TBC1D32: variants seen among roughly 807,000 people sequenced by gnomAD.
TBC1D32 encodes the protein TBC1 domain family member 32.
A neutral mutation model predicts 170.3 loss-of-function variants in TBC1D32; 151 were observed. The observed-to-expected ratio is 0.89, with a 90% CI of 0.78 to 1.01. The LOEUF is 1.01. Ranked by LOEUF, TBC1D32 falls within the 50% of genes least tolerant of loss-of-function variation. The pLI, the probability that TBC1D32 is intolerant of heterozygous loss-of-function variation, is 0.00. For synonymous variants in TBC1D32, 498 were observed against 488.0 expected, an observed-to-expected ratio of 1.02 and a Z score of -0.27; for missense variants, 1,464 against 1,457.1, an observed-to-expected ratio of 1.00 and a Z score of -0.08.
chr6:121,268,835 GA>G (rs1048943379), intron 15 of TBC1D32, among the ~76,000 whole-genome samples: 16 of 152,016 alleles, frequency 1.1e-4, no homozygotes, highest in Non-Finnish European at 2.4e-4. Flanking sequence ...TCAAATGAAG[GA>G]AAAAAATGTT....
At chr6:121,247,143 G>T (rs1369577243) in intron 17 of TBC1D32, among the ~76,000 whole-genome samples, 1 of 152,082 alleles carries the variant, frequency 6.6e-6, no homozygotes, top group African/African-American at 2.4e-5. Flanking sequence ...AACCTTACAA[G>T]CCAGAAGGAA....
chr6:121,241,350 A>G, intron 19 of TBC1D32, 115 bp downstream of exon 19: 1 of 884,120 alleles, frequency 1.1e-6, no homozygotes. Context: ...CTAACTTAGT[A>G]AAAAGAATTT....
rs543521877 is a variant in TBC1D32 at position 121,234,304 on chromosome 6, T to C, written c.2364+4766A>G. 9.3e-4 allele frequency among the ~76,000 whole-genome samples: 142 copies of C among 152,294 alleles called. 2 individuals are homozygous for C. Among genetic ancestry groups the C allele is most frequent in the Non-Finnish European group, 1.2e-3 (82 of 68,006 alleles). ...TTTTCCTTTATTATTACCTCAAATA[T>C]GTTTTCCAAACTTTCAAATTTCTCT... On this transcript the variant is annotated intron_variant, in intron 20 of 31. Transcript: ENST00000398212.
At chr6:121,207,820 T>C (rs1473697514) in intron 21 of TBC1D32, among the ~76,000 whole-genome samples, 1 of 152,180 alleles carries the variant, frequency 6.6e-6, no homozygotes, top group Non-Finnish European at 1.5e-5. Context: ...TAAAGATATG[T>C]TTGAGTGCCT....
chr6:121,175,023 C>CAA (rs34244749), intron 22 of TBC1D32, among the ~76,000 whole-genome samples: 4,597 of 130,422 alleles, frequency 0.035, 185 homozygotes, highest in East Asian at 0.12. Flanking sequence ...CAGACCTTGT[C>CAA]AAAAAAAAAA....
chr6:121,140,603 T>C (rs183126949), intron 24 of TBC1D32, among the ~76,000 whole-genome samples: 11 of 152,148 alleles, frequency 7.2e-5, no homozygotes, highest in Admixed American at 7.2e-4. Context: ...AGAAATGTGA[T>C]GGAGAAGGTA....
intron 17 of TBC1D32, among the ~76,000 whole-genome samples, chr6:121,249,855 C>T (rs1248064917): frequency 2.6e-5 from 4 of 151,886 alleles, no homozygotes; most frequent in African/African-American, 9.7e-5. Context: ...AATGAAAACA[C>T]ATCCCATGCT....
Position 121,303,640 on chromosome 6 carries a change from C to T in TBC1D32, c.1057G>A (p.Ala353Thr). The T allele has an allele frequency of 6.3e-7, 1 of 1,583,518 alleles. No homozygotes were observed. The change falls in exon 9 of 32, where the codon GCT becomes ACT. Residue 353 changes from alanine (A) to threonine (T), a missense_variant. Around this residue, in one of 3 missense-constraint regions of TBC1D32, gnomAD observed 1,363 missense variants for 1,338.1 expected, o/e 1.02. Transcript: ENST00000398212. ...ACCATCCACTTTTTGAACCACACAG[C>T]CTTGGTATCAACTAATGCAAAAAAG... The part of the protein sequence containing the change: ...IYFFALVDTK[A>T]VWFKKWMHAH...
chr6:121,267,504 G>A (rs12530424), intron 15 of TBC1D32, among the ~76,000 whole-genome samples: 17,669 of 152,190 alleles, frequency 0.12, 1,490 homozygotes, highest in Admixed American at 0.23. Flanking sequence ...CAAGCCCACA[G>A]AGCCTCCCTC....
At chr6:121,139,054 G>GTAGAGA (rs1223190952) in intron 24 of TBC1D32, among the ~76,000 whole-genome samples, 1 of 152,028 alleles carries the variant, frequency 6.6e-6, no homozygotes, top group African/African-American at 2.4e-5. Context: ...CACTGTGTTA[G>GTAGAGA]CCAGGATGGT....
Position 121,206,145 on chromosome 6 carries a change from G to C in TBC1D32, c.2482-982C>G, listed in dbSNP as rs542580697. On this transcript the variant is annotated intron_variant, in intron 21 of 31. Coordinates refer to ENST00000398212, the MANE Select transcript of TBC1D32 (RefSeq NM_152730.6). Reference sequence around the variant, plus strand: ...GAATTGCTTGAATCCAGGAGGCGGAGGTTGCAGTGAGCCAAGATCATGCCA... The same window carrying C: ...GAATTGCTTGAATCCAGGAGGCGGACGTTGCAGTGAGCCAAGATCATGCCA... Among the ~76,000 whole-genome samples, 54 of 151,664 alleles carry C rather than the reference G, an allele frequency of 3.6e-4. No individual in the cohort carries two copies. The South Asian group carries it at 9.2e-3, about 26-fold the overall frequency.
At chr6:121,227,155 T>A (rs1407652723) in intron 20 of TBC1D32, among the ~76,000 whole-genome samples, 1 of 152,200 alleles carries the variant, frequency 6.6e-6, no homozygotes, top group Non-Finnish European at 1.5e-5. Flanking sequence ...ATGCAGCCCA[T>A]GGGCCGCAGG....
intron 22 of TBC1D32, among the ~76,000 whole-genome samples, chr6:121,185,205 A>G (rs1234823598): frequency 6.6e-6 from 1 of 152,046 alleles, no homozygotes; most frequent in Non-Finnish European, 1.5e-5. Flanking sequence ...AAGTAATCCA[A>G]TTCTAGCAGG....
intron 17 of TBC1D32, among the ~76,000 whole-genome samples, chr6:121,254,585 A>G (rs1252635724): frequency 6.7e-6 from 1 of 150,106 alleles, no homozygotes; most frequent in Non-Finnish European, 1.5e-5. Flanking sequence ...TATTTGTTGA[A>G]CCATTATACT....
intron 1 of TBC1D32, among the ~76,000 whole-genome samples, chr6:121,322,594 A>G (rs1809883661): frequency 6.6e-6 from 1 of 152,144 alleles, no homozygotes; most frequent in South Asian, 2.1e-4. Context: ...CTTCTCTATT[A>G]GCATGCAAAA....
intron 10 of TBC1D32, among the ~76,000 whole-genome samples, chr6:121,295,300 A>C (rs1325627080): frequency 6.6e-6 from 1 of 151,292 alleles, no homozygotes; most frequent in African/African-American, 2.4e-5. Flanking sequence ...AAAAAAAAAA[A>C]AAAAAAAGCC....
intron 22 of TBC1D32, among the ~76,000 whole-genome samples, chr6:121,181,253 T>G (rs1487214782): frequency 2.6e-5 from 4 of 152,104 alleles, no homozygotes; most frequent in Non-Finnish European, 5.9e-5. Context: ...CCAAATCTCA[T>G]GTCAAATTGT....
intron 21 of TBC1D32, among the ~76,000 whole-genome samples, chr6:121,205,548 T>C (rs1420724113): frequency 6.6e-6 from 1 of 152,134 alleles, no homozygotes; most frequent in East Asian, 1.9e-4. Flanking sequence ...AAAACAAATA[T>C]AAAATCCACA....
intron 22 of TBC1D32, among the ~76,000 whole-genome samples, chr6:121,189,658 T>A (rs946866994): frequency 6.6e-6 from 1 of 152,158 alleles, no homozygotes; most frequent in African/African-American, 2.4e-5. Flanking sequence ...CACAGCTGCA[T>A]AGCATGTCAG....
Sources: allele counts gnomAD v4.1 joint callset (sites outside exome capture counted in the v4.1 genomes callset), GRCh38; gene constraint gnomAD v4.1.1; regional missense constraint gnomAD v4.1.1; transcripts MANE v1.5; gene names NCBI Gene and HGNC (gene_info 2026-07-23, HGNC 2026-07-21).